Variants in CACNA1E observed in about 807,000 individuals in gnomAD.
The protein encoded by CACNA1E is voltage-dependent R-type calcium channel subunit alpha-1E.
A neutral mutation model predicts 259.2 loss-of-function variants in CACNA1E; 40 were observed. That is an observed-to-expected ratio of 0.15 (90% CI 0.12 to 0.20). The LOEUF is 0.20. Among genes scored for constraint, CACNA1E ranks in the 10% least tolerant of loss-of-function variants. The probability of loss-of-function intolerance (pLI) is 1.00; values close to 1 mark genes in which losing one functional copy is unlikely to be tolerated. For missense variants in CACNA1E, 1,874 were observed against 3,040.1 expected, an observed-to-expected ratio of 0.62 and a Z score of 9.02; for synonymous variants, 1,104 against 1,138.5, an observed-to-expected ratio of 0.97 and a Z score of 0.61.
chr1:181,760,189 A>G (rs1658459276), intron 32 of CACNA1E, among the ~76,000 whole-genome samples: 1 of 152,158 alleles, frequency 6.6e-6, no homozygotes, highest in Non-Finnish European at 1.5e-5. Flanking sequence ...GTGTCTAATT[A>G]TGGTGAGTGC....
intron 7 of CACNA1E, among the ~76,000 whole-genome samples, chr1:181,670,151 A>C (rs1648647828): frequency 6.6e-6 from 1 of 152,196 alleles, no homozygotes; most frequent in African/African-American, 2.4e-5. Context: ...AGAGCCCCAC[A>C]TCATTCTGAG....
chr1:181,703,498 C>A (rs928129110), intron 7 of CACNA1E, among the ~76,000 whole-genome samples: 2 of 152,150 alleles, frequency 1.3e-5, no homozygotes, highest in East Asian at 3.9e-4. Flanking sequence ...GGTTAAAAAC[C>A]GAAACAGGAA....
intron 3 of CACNA1E, among the ~76,000 whole-genome samples, chr1:181,572,457 T>G (rs75910741): frequency 6.6e-6 from 1 of 152,166 alleles, no homozygotes; most frequent in Non-Finnish European, 1.5e-5. Context: ...GAAATAGTTA[T>G]TGAACTTGAC....
intron 2 of CACNA1E, among the ~76,000 whole-genome samples, chr1:181,436,340 G>C (rs1039062827): frequency 6.6e-6 from 1 of 152,194 alleles, no homozygotes; most frequent in South Asian, 2.1e-4. Flanking sequence ...ACTACCATAT[G>C]ATCCAGTAGT....
chr1:181,537,918 G>A (rs1446994907), intron 3 of CACNA1E, among the ~76,000 whole-genome samples: 1 of 152,212 alleles, frequency 6.6e-6, no homozygotes, highest in Non-Finnish European at 1.5e-5. Flanking sequence ...GCTAACACAT[G>A]TAAAGCACTT....
chr1:181,341,624 A>C (rs1571609672), intron 1 of CACNA1E, among the ~76,000 whole-genome samples: 1 of 152,064 alleles, frequency 6.6e-6, no homozygotes, highest in African/African-American at 2.4e-5. Flanking sequence ...CCAGCCCTGC[A>C]TGGGCCCAAC....
rs140451843 is a variant in CACNA1E, at chr1:181,643,976, C to T, written c.952-7362C>T. ...CTCAGGGCTCCAAGTTACAGTGAAA[C>T]GCCCTGCTCCTGGGCCTGACAGGCT... is the stretch of plus-strand genomic sequence containing the variant. On this transcript the variant is annotated intron_variant, in intron 6 of 47. Transcript: ENST00000367573. 4.0e-4 allele frequency among the ~76,000 whole-genome samples: 61 copies of T among 152,282 alleles called. No individual in the cohort carries two copies. The East Asian group carries it at 9.3e-3, about 23-fold the overall frequency.
chr1:181,429,190 C>CA (rs1250274737), intron 2 of CACNA1E, among the ~76,000 whole-genome samples: 2 of 151,884 alleles, frequency 1.3e-5, no homozygotes, highest in Non-Finnish European at 2.9e-5. Flanking sequence ...TTAAAAAAAA[C>CA]AAAAAAGAAT....
chr1:181,333,187 G>A (rs1651418520), intron 1 of CACNA1E, among the ~76,000 whole-genome samples: 1 of 152,172 alleles, frequency 6.6e-6, no homozygotes, highest in African/African-American at 2.4e-5. Flanking sequence ...GTGGAGGGTG[G>A]ACTACATCAG....
chr1:181,505,573 A>G (rs1349362793), intron 1 of CACNA1E, among the ~76,000 whole-genome samples: 1 of 151,880 alleles, frequency 6.6e-6, no homozygotes, highest in African/African-American at 2.4e-5. Flanking sequence ...ATGGGGTTTC[A>G]CCGTGTTAGC....
intron 3 of CACNA1E, among the ~76,000 whole-genome samples, chr1:181,567,441 C>T (rs1649958187): frequency 6.6e-6 from 1 of 152,128 alleles, no homozygotes; most frequent in Non-Finnish European, 1.5e-5. Flanking sequence ...TATACCCCAC[C>T]AAGCTGTAAA....
intron 6 of CACNA1E, among the ~76,000 whole-genome samples, chr1:181,647,926 G>A (rs1658433684): frequency 6.6e-6 from 1 of 152,120 alleles, no homozygotes; most frequent in South Asian, 2.1e-4. Context: ...CCTATTAAAA[G>A]GTGTGTGAAT....
intron 6 of CACNA1E, among the ~76,000 whole-genome samples, chr1:181,612,062 A>G (rs1380045307): frequency 6.6e-6 from 1 of 152,258 alleles, no homozygotes; most frequent in Admixed American, 6.5e-5. Flanking sequence ...TTCCTGTCCC[A>G]GGAGAAAACA....
At chr1:181,585,018 C>A (rs901319337) in intron 6 of CACNA1E, among the ~76,000 whole-genome samples, 5 of 149,522 alleles carry the variant, frequency 3.3e-5, no homozygotes, top group African/African-American at 7.4e-5. Flanking sequence ...TGGTCCCCCC[C>A]CCTGCCTCAA....
At chr1:181,526,475 TG>T (rs1384271782) in intron 3 of CACNA1E, among the ~76,000 whole-genome samples, 1 of 152,072 alleles carries the variant, frequency 6.6e-6, no homozygotes, top group Non-Finnish European at 1.5e-5. Context: ...GTGTATCTGT[TG>T]GTCTGGATGT....
At chr1:181,583,287 T>A (rs1651737497) in intron 6 of CACNA1E, among the ~76,000 whole-genome samples, 1 of 152,112 alleles carries the variant, frequency 6.6e-6, no homozygotes, top group African/African-American at 2.4e-5. Flanking sequence ...CCACCACCAA[T>A]AAGATACAAA....
intron 35 of CACNA1E, among the ~76,000 whole-genome samples, chr1:181,770,368 CT>C (rs1659398969): frequency 6.6e-6 from 1 of 151,936 alleles, no homozygotes; most frequent in Non-Finnish European, 1.5e-5. Context: ...TTGACCTTGG[CT>C]CCAGGCAGTG....
chr1:181,452,236 A>G (rs1468778661), intron 2 of CACNA1E, among the ~76,000 whole-genome samples: 4 of 152,260 alleles, frequency 2.6e-5, no homozygotes, highest in Admixed American at 6.5e-5. Flanking sequence ...AAGGGTTCTT[A>G]GTAAAAGCAA....
At chr1:181,767,337 T>C (rs1659105370) in intron 35 of CACNA1E, among the ~76,000 whole-genome samples, 1 of 152,204 alleles carries the variant, frequency 6.6e-6, no homozygotes, top group African/African-American at 2.4e-5. Context: ...GAATTCCTAC[T>C]GTAAATAACC....
Sources: allele counts gnomAD v4.1 joint callset (sites outside exome capture counted in the v4.1 genomes callset), GRCh38; gene constraint gnomAD v4.1.1; transcripts MANE v1.5; gene names NCBI Gene and HGNC (gene_info 2026-07-23, HGNC 2026-07-21).